Variants in ITGA1 observed in about 807,000 individuals in gnomAD.
The protein encoded by ITGA1 is integrin subunit alpha 1.
A neutral mutation model predicts 145.9 loss-of-function variants in ITGA1; 85 were observed. The ratio of observed to expected loss-of-function variants is 0.58; its 90% CI spans 0.49 to 0.70. ITGA1 has a LOEUF of 0.70. ITGA1 is among the 30% of genes least tolerant of loss of function. The pLI is 0.00. For missense variants in ITGA1, 1,351 were observed against 1,418.7 expected, an observed-to-expected ratio of 0.95 and a Z score of 0.77; for synonymous variants, 520 against 495.3, an observed-to-expected ratio of 1.05 and a Z score of -0.66.
chr5:52,808,000 A>C (rs1748621969), intron 1 of ITGA1, among the ~76,000 whole-genome samples: 1 of 152,210 alleles, frequency 6.6e-6, no homozygotes, highest in Non-Finnish European at 1.5e-5. Flanking sequence ...AGATGACCAC[A>C]AGTGGCCAAG....
At chr5:52,906,029 G>T in intron 12 of ITGA1, 121 bp downstream of exon 12, 1 of 806,324 alleles carries the variant, frequency 1.2e-6, no homozygotes. Flanking sequence ...CTGGGAACAG[G>T]GCCCTGTGTT....
At chr5:52,892,907 G>A (rs546193824) in intron 8 of ITGA1, among the ~76,000 whole-genome samples, 4 of 151,904 alleles carry the variant, frequency 2.6e-5, no homozygotes, top group Non-Finnish European at 5.9e-5. Context: ...ACACCTTGAT[G>A]TGGCAGTAAC....
intron 28 of ITGA1, among the ~76,000 whole-genome samples, chr5:52,948,529 A>T (rs1379945017): frequency 6.6e-6 from 1 of 152,194 alleles, no homozygotes; most frequent in African/African-American, 2.4e-5. Context: ...AGCCAGATGT[A>T]GGTCAGTGGC....
chr5:52,800,450 T>C (rs763082521), intron 1 of ITGA1: 48 of 1,613,756 alleles, frequency 3.0e-5, no homozygotes, highest in Non-Finnish European at 3.9e-5. Flanking sequence ...GTGACCCTGG[T>C]CCCCGAGGAG....
intron 6 of ITGA1, among the ~76,000 whole-genome samples, chr5:52,869,165 T>C (rs1011955948): frequency 3.3e-5 from 5 of 152,164 alleles, no homozygotes; most frequent in African/African-American, 1.2e-4. Flanking sequence ...CTTTTCTGTT[T>C]GTTTGTTTTT....
chr5:52,820,124 T>C (rs1299195770), intron 1 of ITGA1, among the ~76,000 whole-genome samples: 1 of 151,958 alleles, frequency 6.6e-6, no homozygotes, highest in Non-Finnish European at 1.5e-5. Flanking sequence ...GACTTGGCAA[T>C]GCAGGCTCAT....
chr5:52,824,892 T>G (rs538169820), intron 1 of ITGA1: 1 of 152,194 alleles, frequency 6.6e-6, no homozygotes, highest in Non-Finnish European at 1.5e-5. Context: ...AAACAAAGCC[T>G]ATTATTGTAT....
intron 10 of ITGA1, 84 bp downstream of exon 10, chr5:52,897,612 A>G (rs77853563): frequency 0.035 from 31,623 of 915,476 alleles, 631 homozygotes; most frequent in South Asian, 0.043. Context: ...TCAGTATGTA[A>G]GTGCAACGTG....
Position 52,893,845 on chromosome 5 carries a change from G to T in ITGA1, c.1090+5G>T. 1 of 1,603,402 alleles carries T rather than the reference G, an allele frequency of 6.2e-7. No homozygotes were observed. Among genetic ancestry groups the T allele is most frequent in the South Asian group, 1.1e-5 (1 of 90,064 alleles). The stretch of plus-strand genomic sequence containing the variant: ...AAAGAATATTTGCCCTGGAAGGTAT[G>T]TCTATTTATCTTATTGCTGCATGTT... On this transcript the variant is annotated splice_donor_5th_base_variant and intron_variant, in intron 9 of 28. Transcript: ENST00000282588.
At chr5:52,910,584 T>A (rs1449612106) in intron 14 of ITGA1, among the ~76,000 whole-genome samples, 165 bp downstream of exon 14, 1 of 150,262 alleles carries the variant, frequency 6.7e-6, no homozygotes, top group Non-Finnish European at 1.5e-5. Flanking sequence ...TTACTATATA[T>A]ATATACACAC....
rs1751244817 is a variant in ITGA1, at chr5:52,952,834, T to C, written c.*383T>C. The C allele has an allele frequency of 6.5e-6, 1 of 152,764 alleles. No homozygotes were observed. Among genetic ancestry groups the C allele is most frequent in the Admixed American group, 6.5e-5 (1 of 15,298 alleles). 9.5% of individuals were successfully genotyped at this position (152,764 alleles called of 1,614,324 possible). On this transcript the variant is annotated 3_prime_UTR_variant, in exon 29 of 29. Transcript: ENST00000282588. ...ACAATATAAATTAAGCTTTTCCCCT[T>C]GATTCCTGTTGGATATCCATGTTCA...
At chr5:52,886,883 A>T (rs1750060237) in intron 7 of ITGA1, among the ~76,000 whole-genome samples, 1 of 152,098 alleles carries the variant, frequency 6.6e-6, no homozygotes, top group Non-Finnish European at 1.5e-5. Context: ...GGTTCACGCC[A>T]TTCTCCTGCC....
At chr5:52,889,333 C>T (rs1309236783) in intron 8 of ITGA1, among the ~76,000 whole-genome samples, 1 of 152,096 alleles carries the variant, frequency 6.6e-6, no homozygotes, top group Non-Finnish European at 1.5e-5. Flanking sequence ...AACTACTGAC[C>T]TCAGGGGATC....
At chr5:52,893,479 A>G (rs963227947) in intron 8 of ITGA1, among the ~76,000 whole-genome samples, 196 bp from the exon 9 acceptor site, 5 of 152,146 alleles carry the variant, frequency 3.3e-5, no homozygotes, top group Middle Eastern at 3.2e-3. Flanking sequence ...TTCTACACCA[A>G]TTGTGGTGTT....
intron 18 of ITGA1, 41 bp from the exon 19 acceptor site, chr5:52,925,237 G>A (rs10041906): frequency 0.028 from 41,123 of 1,487,298 alleles, 3,089 homozygotes; most frequent in African/African-American, 0.27. Context: ...TCAACAATGC[G>A]TAGCTAAATT....
At chr5:52,882,753 C>T (rs1442825467) in intron 7 of ITGA1, 1 of 152,134 alleles carries the variant, frequency 6.6e-6, no homozygotes, top group East Asian at 1.9e-4. Context: ...TTATCTCATT[C>T]ATTAAACTAG....
intron 1 of ITGA1, chr5:52,799,969 G>T: frequency 4.4e-6 from 1 of 228,278 alleles, no homozygotes; most frequent in Non-Finnish European, 8.9e-6. Flanking sequence ...CTTCTTGAGG[G>T]AGTTCATTCG....
chr5:52,858,299 T>A (rs1749548524), intron 2 of ITGA1, among the ~76,000 whole-genome samples: 1 of 152,200 alleles, frequency 6.6e-6, no homozygotes, highest in African/African-American at 2.4e-5. Flanking sequence ...CTGGACTCTT[T>A]TTACCTCTCT....
intron 20 of ITGA1, among the ~76,000 whole-genome samples, chr5:52,928,824 C>T (rs1750850772): frequency 6.6e-6 from 1 of 152,140 alleles, no homozygotes; most frequent in Non-Finnish European, 1.5e-5. Flanking sequence ...TTGGTCATTT[C>T]AAAGTTATTT....
Sources: gnomAD v4.1 joint callset for allele counts (sites outside exome capture counted in the v4.1 genomes callset) on GRCh38, gnomAD v4.1.1 for gene constraint, MANE v1.5 for transcripts, NCBI Gene and HGNC (gene_info 2026-07-23, HGNC 2026-07-21) for gene names.